The following DDX23 variants were observed in gnomAD, a reference collection of about 807,000 sequenced individuals.
The protein encoded by DDX23 is DEAD-box helicase 23.
DDX23 carries 33 observed loss-of-function variants against 102.7 expected under a neutral mutation model. The ratio of observed to expected loss-of-function variants is 0.32; its 90% CI spans 0.24 to 0.43. DDX23 has a LOEUF of 0.43. DDX23 is among the 20% of genes least tolerant of loss of function. The pLI, the probability that DDX23 is intolerant of heterozygous loss-of-function variation, is 1.00. For missense variants in DDX23, 549 were observed against 1,086.6 expected (o/e 0.51, Z 6.96); for synonymous variants, 352 against 376.0 (o/e 0.94, Z 0.74).
intron 3 of DDX23, among the ~76,000 whole-genome samples, chr12:48,842,353 TGAG>T (rs1353374359): frequency 9.6e-6 from 1 of 103,700 alleles, no homozygotes; most frequent in Non-Finnish European, 1.9e-5. Flanking sequence ...TACTGGGAAG[TGAG>T]GAGCCTCTCT....
At chr12:48,839,596 G>A in intron 5 of DDX23, 1 of 376,338 alleles carries the variant, frequency 2.7e-6, no homozygotes, top group Non-Finnish European at 4.8e-6. Context: ...GGCCTTTTAG[G>A]GTGAGCCCTA....
At position 48,830,967 on chromosome 12, in the gene DDX23, C is replaced by G. The variant is rs1938377284; in HGVS notation, c.2239+175G>C. On this transcript the variant is annotated intron_variant, in intron 16 of 16. Transcript: ENST00000308025. The surrounding 1 kb of genome is among the most constrained non-coding windows in gnomAD (Gnocchi z 4.9). ...ACAAGTGTCATCCCAGCTGCTGGGA[C>G]AACAAACCCAGGTAAGATAAAGGAC... 6.6e-6 allele frequency among the ~76,000 whole-genome samples: 1 copy of G among 152,156 alleles called. No individual in the cohort carries two copies. The highest frequency in any genetic ancestry group is 1.5e-5 in the Non-Finnish European group (1 of 68,034).
rs757927888 is a variant in DDX23 at position 48,837,882 on chromosome 12, T to C, written c.619+60A>G. 3.1e-4 allele frequency: 500 copies of C among 1,608,178 alleles called. 1 individual carries two copies. The highest frequency in any genetic ancestry group is 4.0e-4 in the Non-Finnish European group (467 of 1,177,770). On this transcript the variant is annotated intron_variant, in intron 6 of 16. Coordinates refer to ENST00000308025, the MANE Select transcript of DDX23 (RefSeq NM_004818.3). ...GGTTTCTATCTCTCCTAAGAGACAC[T>C]GTATCTCATCCCACTCTTTCCTCTT...
chr12:48,842,221 G>A (rs1383003807), intron 3 of DDX23, among the ~76,000 whole-genome samples: 1 of 150,630 alleles, frequency 6.6e-6, no homozygotes, highest in Non-Finnish European at 1.5e-5. Flanking sequence ...CCAGGAGGGA[G>A]GTGGGGGGGT....
At chr12:48,834,678 A>C in intron 11 of DDX23, 181 bp from the exon 12 acceptor site, 2 of 564,028 alleles carry the variant, frequency 3.5e-6, no homozygotes, top group Non-Finnish European at 6.0e-6. Flanking sequence ...TCATGTCTGT[A>C]ATCCCAGAAC....
intron 12 of DDX23, 139 bp from the exon 13 acceptor site, chr12:48,833,658 A>C: frequency 9.4e-7 from 1 of 1,063,268 alleles, no homozygotes; most frequent in Non-Finnish European, 1.3e-6. Flanking sequence ...TTAGCAGTAA[A>C]GGCTCCTGCA....
At chr12:48,844,531 G>A (rs951603271) in intron 2 of DDX23, among the ~76,000 whole-genome samples, 11 of 151,840 alleles carry the variant, frequency 7.2e-5, no homozygotes, top group African/African-American at 1.5e-4. Flanking sequence ...CACCTACCTC[G>A]GCCTCCCAAA....
At chr12:48,849,380 G>C (rs1938721605) in intron 1 of DDX23, among the ~76,000 whole-genome samples, 1 of 152,038 alleles carries the variant, frequency 6.6e-6, no homozygotes, top group South Asian at 2.1e-4. Context: ...AAATCAGCCG[G>C]AGGCCAGGAG....
At position 48,834,311 on chromosome 12, in the gene DDX23, AAAAC is replaced by A; in HGVS notation, c.1560+5_1560+8del. ...GACAGCAGGCTGGCTGCTAGATAGA[AAAAC>A]AAACCTCACAACCCATGCGCAGCCT... On this transcript the variant is annotated splice_donor_5th_base_variant and intron_variant, in intron 12 of 16. Transcript: ENST00000308025. The A allele has an allele frequency of 6.3e-7, 1 of 1,597,974 alleles. No individual in the cohort carries two copies. Among genetic ancestry groups the A allele is most frequent in the Non-Finnish European group, 8.5e-7 (1 of 1,171,676 alleles).
In DDX23 at chr12:48,851,770, C is replaced by G. The variant is rs140793939; in HGVS notation, c.-1+314G>C. On this transcript the variant is annotated intron_variant, in intron 1 of 16. Transcript: ENST00000308025. ...TGACTGCGAGAGAAAAGCCAGAGTT[C>G]CAGTTTGGCTGCACCAAAGGCTACT... Among the ~76,000 whole-genome samples, 31 of 152,312 alleles carry G rather than the reference C, an allele frequency of 2.0e-4. 1 individual carries two copies. In the East Asian group the frequency reaches 5.2e-3, roughly 26 times the overall value.
intron 5 of DDX23, 76 bp from the exon 6 acceptor site, chr12:48,838,156 G>A (rs1398687113): frequency 6.3e-7 from 1 of 1,592,154 alleles, no homozygotes; most frequent in Non-Finnish European, 8.5e-7. Flanking sequence ...GGAGATGGCA[G>A]GGAACCCAAA....
In DDX23 at chr12:48,848,015, G is replaced by T. The variant is rs117068008; in HGVS notation, c.1-2233C>A. ...AAAACAAAGTCTCATGCTGGGCGTGGTGGCTCACGCCTATAATCCCAGCAC... is the reference window on the plus strand; with the variant it reads ...AAAACAAAGTCTCATGCTGGGCGTGTTGGCTCACGCCTATAATCCCAGCAC... On this transcript the variant is annotated intron_variant, in intron 1 of 16. Coordinates refer to ENST00000308025, the MANE Select transcript of DDX23 (RefSeq NM_004818.3). 4.3e-4 allele frequency among the ~76,000 whole-genome samples: 66 copies of T among 152,382 alleles called. No individual in the cohort carries two copies. In the East Asian group the frequency reaches 0.011, roughly 26 times the overall value.
chr12:48,841,369 G>A (rs954463249), intron 3 of DDX23, among the ~76,000 whole-genome samples: 1 of 152,098 alleles, frequency 6.6e-6, no homozygotes. Flanking sequence ...CTGGGCAACA[G>A]AACAAAAACT....
intron 11 of DDX23, among the ~76,000 whole-genome samples, chr12:48,835,561 T>C (rs957272235): frequency 2.6e-5 from 4 of 151,890 alleles, no homozygotes; most frequent in African/African-American, 9.7e-5. Flanking sequence ...TACAAAAAAA[T>C]TAGCCGGGCA....
chr12:48,839,261 T>C (rs1230360778), intron 5 of DDX23, among the ~76,000 whole-genome samples: 1 of 151,384 alleles, frequency 6.6e-6, no homozygotes, highest in Non-Finnish European at 1.5e-5. Context: ...GTGATTAAGT[T>C]AAAATGAGCC....
chr12:48,845,811 T>C (rs1183229783), intron 1 of DDX23, 29 bp from the exon 2 acceptor site: 2 of 1,607,882 alleles, frequency 1.2e-6, no homozygotes, highest in East Asian at 2.2e-5. Context: ...GTACTTACAA[T>C]GTACTAGGCA....
In DDX23 at chr12:48,843,169, G is replaced by C. The variant is rs1376599011; in HGVS notation, c.320+771C>G. Among the ~76,000 whole-genome samples the C allele has an allele frequency of 2.7e-5, 4 of 149,982 alleles. 1 individual carries two copies. Among genetic ancestry groups the C allele is most frequent in the Admixed American group, 2.7e-4 (4 of 15,026 alleles). On this transcript the variant is annotated intron_variant, in intron 3 of 16. Coordinates refer to ENST00000308025, the MANE Select transcript of DDX23 (RefSeq NM_004818.3). ...AGGGACACAAACACTGCGGAAGGCC[G>C]CAGGGTCCTCTGCCTAGGAAAACCA... is the stretch of plus-strand genomic sequence containing the variant.
chr12:48,843,160 C>T (rs543513619), intron 3 of DDX23, among the ~76,000 whole-genome samples: 6,056 of 149,660 alleles, frequency 0.04, 180 homozygotes, highest in Non-Finnish European at 0.059. Flanking sequence ...ACAAACACTG[C>T]GGAAGGCCGC....
intron 1 of DDX23, among the ~76,000 whole-genome samples, chr12:48,848,213 G>C (rs183134867): frequency 1.6e-4 from 24 of 152,104 alleles, no homozygotes; most frequent in Non-Finnish European, 2.9e-4. Context: ...GTGAACCCGG[G>C]AGGCAGAGCT....
Sources: gnomAD v4.1 joint callset for allele counts (sites outside exome capture counted in the v4.1 genomes callset) on GRCh38, gnomAD v4.1.1 for gene constraint, Gnocchi (gnomAD v3.1) non-coding constraint, MANE v1.5 for transcripts, NCBI Gene and HGNC (gene_info 2026-07-23, HGNC 2026-07-21) for gene names.